The following PRR16 variants were observed in gnomAD, a reference collection of about 807,000 sequenced individuals.
The protein encoded by PRR16 is protein Largen.
In PRR16, 6 loss-of-function variants were observed where a neutral mutation model predicts 18.2. That is an observed-to-expected ratio of 0.33 (90% confidence interval 0.18 to 0.65). PRR16 has a LOEUF of 0.65. PRR16 is among the 30% of genes least tolerant of loss of function. The pLI is 0.74. For missense variants in PRR16, 412 were observed against 376.6 expected (o/e 1.09, Z -0.78); for synonymous variants, 151 against 147.8 (o/e 1.02, Z -0.16).
At chr5:120,707,841 C>T in the PRR16 span, among the ~76,000 whole-genome samples, 6 of 152,190 alleles carry the variant, frequency 3.9e-5, no homozygotes, top group South Asian at 1.0e-3. Context: ...TTGCCAGGGG[C>T]TCTTAAGGGG....
In PRR16 at chr5:120,491,734, G is replaced by T. The variant is rs143160124; in HGVS notation, c.159+27089G>T. ...AATTTTTGTATTTTTATTAGAGACA[G>T]GGTTTCACCATGTTAGCCAGGGTGG... On this transcript the variant is annotated intron_variant, in intron 1 of 1. Coordinates refer to ENST00000407149, the MANE Select transcript of PRR16 (RefSeq NM_001300783.2). Among the ~76,000 whole-genome samples, 1,147 of 152,172 alleles carry T rather than the reference G, an allele frequency of 7.5e-3. 21 individuals are homozygous for T. Among genetic ancestry groups the T allele is most frequent in the African/African-American group, 0.026 (1,099 of 41,510 alleles).
At chr5:120,781,628 C>G in the PRR16 span, 2 of 152,076 alleles carry the variant, frequency 1.3e-5, no homozygotes, top group African/African-American at 4.8e-5. Flanking sequence ...TCTCACATTT[C>G]TTAAGCTTAA....
chr5:120,670,696 G>T (rs987128919), intron 1 of PRR16, among the ~76,000 whole-genome samples: 1 of 152,050 alleles, frequency 6.6e-6, no homozygotes, highest in African/African-American at 2.4e-5. Flanking sequence ...TTAAACCAAG[G>T]ATAATGTCCC....
chr5:120,567,154 T>C (rs930361995), intron 1 of PRR16, among the ~76,000 whole-genome samples: 53 of 152,194 alleles, frequency 3.5e-4, no homozygotes, highest in Non-Finnish European at 5.9e-5. Context: ...ATCTCACATA[T>C]GCCATTTAAG....
chr5:120,676,350 T>G (rs2150150509), intron 1 of PRR16, among the ~76,000 whole-genome samples: 1 of 152,248 alleles, frequency 6.6e-6, no homozygotes, highest in Admixed American at 6.5e-5. Context: ...CCCTATTTCA[T>G]TCTACCTTTT....
chr5:120,510,692 TACC>T (rs1750798802), intron 1 of PRR16, among the ~76,000 whole-genome samples: 1 of 152,192 alleles, frequency 6.6e-6, no homozygotes, highest in African/African-American at 2.4e-5. Flanking sequence ...GACTTCTATT[TACC>T]ATGGTCTCCA....
At chr5:120,579,688 G>C (rs570462575) in intron 1 of PRR16, among the ~76,000 whole-genome samples, 57 of 152,262 alleles carry the variant, frequency 3.7e-4, no homozygotes, top group African/African-American at 1.3e-3. Flanking sequence ...CTCCAGCTCT[G>C]TTATTTTTGC....
At chr5:120,611,605 T>A (rs1403546379) in intron 1 of PRR16, among the ~76,000 whole-genome samples, 1 of 152,136 alleles carries the variant, frequency 6.6e-6, no homozygotes, top group African/African-American at 2.4e-5. Context: ...GCAGCTTCCA[T>A]GTGGTGTTGA....
chr5:120,743,089 T>C, the PRR16 span, among the ~76,000 whole-genome samples: 1 of 152,230 alleles, frequency 6.6e-6, no homozygotes, highest in African/African-American at 2.4e-5. Context: ...GTAATGTAAC[T>C]ATTTATAGGT....
At chr5:120,531,893 C>T (rs1751561876) in intron 1 of PRR16, among the ~76,000 whole-genome samples, 1 of 152,036 alleles carries the variant, frequency 6.6e-6, no homozygotes, top group Non-Finnish European at 1.5e-5. Flanking sequence ...GTTGATGAGA[C>T]AGTGATACAA....
At chr5:120,655,777 G>A (rs1486465633) in intron 1 of PRR16, among the ~76,000 whole-genome samples, 3 of 149,334 alleles carry the variant, frequency 2.0e-5, no homozygotes, top group African/African-American at 7.4e-5. Context: ...TTCAAATGAA[G>A]GTGGTCAAAT....
chr5:120,581,481 G>C (rs113878813), intron 1 of PRR16, among the ~76,000 whole-genome samples: 1 of 151,854 alleles, frequency 6.6e-6, no homozygotes. Context: ...TCCTGGATTC[G>C]TTGATTTTTT....
chr5:120,480,991 T>C (rs1369519379), intron 1 of PRR16, among the ~76,000 whole-genome samples: 1 of 152,182 alleles, frequency 6.6e-6, no homozygotes, highest in Non-Finnish European at 1.5e-5. Flanking sequence ...CTTCAGAAGT[T>C]TTCCTTTAAA....
At chr5:120,531,287 G>A (rs1047710872) in intron 1 of PRR16, among the ~76,000 whole-genome samples, 1 of 152,042 alleles carries the variant, frequency 6.6e-6, no homozygotes, top group African/African-American at 2.4e-5. Flanking sequence ...GTAGTTTGAT[G>A]GCAAATGACT....
rs533670606 is a variant in PRR16 at position 120,576,481 on chromosome 5, G to C, written c.160-109473G>C. Among the ~76,000 whole-genome samples, 5 of 152,262 alleles carry C rather than the reference G, an allele frequency of 3.3e-5. No individual in the cohort carries two copies. The South Asian group carries it at 8.3e-4, about 25-fold the overall frequency. ...TACAATGAGACATTACTTCATTCCA[G>C]TTAGAACGGCCACTGTCCTAAAATT... On this transcript the variant is annotated intron_variant, in intron 1 of 1. Transcript: ENST00000407149.
chr5:120,669,858 A>G (rs1010380310), intron 1 of PRR16, among the ~76,000 whole-genome samples: 3 of 152,220 alleles, frequency 2.0e-5, no homozygotes, highest in African/African-American at 7.2e-5. Flanking sequence ...AGTACAATAG[A>G]AATATACCGT....
At chr5:120,474,597 TAA>T (rs1040625269) in intron 1 of PRR16, among the ~76,000 whole-genome samples, 7 of 138,354 alleles carry the variant, frequency 5.1e-5, no homozygotes, top group Admixed American at 3.6e-4. Flanking sequence ...ATCTTTTTTT[TAA>T]AAAAAAAACC....
At chr5:120,662,486 A>G (rs536901269) in intron 1 of PRR16, among the ~76,000 whole-genome samples, 111 of 152,068 alleles carry the variant, frequency 7.3e-4, no homozygotes, top group Non-Finnish European at 1.3e-3. Context: ...TTCCCTTTTA[A>G]TAAGTGTATA....
At chr5:120,743,867 T>C in the PRR16 span, among the ~76,000 whole-genome samples, 15,799 of 152,108 alleles carry the variant, frequency 0.1, 1,033 homozygotes, top group African/African-American at 0.18. Flanking sequence ...TCTGAATATG[T>C]TGTTTTTTCC....
Sources: gnomAD v4.1 joint callset for allele counts (sites outside exome capture counted in the v4.1 genomes callset) on GRCh38, gnomAD v4.1.1 for gene constraint, MANE v1.5 for transcripts, NCBI Gene and HGNC (gene_info 2026-07-23, HGNC 2026-07-21) for gene names.